Variants in ARHGEF18 observed in about 807,000 individuals in gnomAD.
The protein encoded by ARHGEF18 is rho guanine nucleotide exchange factor 18.
A neutral mutation model predicts 155.7 loss-of-function variants in ARHGEF18; 93 were observed. That is an observed-to-expected ratio of 0.60 (90% CI 0.50 to 0.71). The LOEUF (loss-of-function observed/expected upper bound fraction) is 0.71. Among genes scored for constraint, ARHGEF18 ranks in the 30% least tolerant of loss-of-function variants. The probability of loss-of-function intolerance (pLI) is 0.00; values close to 1 mark genes in which losing one functional copy is unlikely to be tolerated. For synonymous variants in ARHGEF18, 742 were observed against 753.1 expected (o/e 0.99, Z 0.24); for missense variants, 1,593 against 1,816.1 (o/e 0.88, Z 2.23).
In ARHGEF18 at chr19:7,362,158, GAGAAGAAGGAGAAGAAGGAGA is replaced by G. The variant is rs1568265064; in HGVS notation, c.-110-617_-110-597del. 1.8e-4 allele frequency among the ~76,000 whole-genome samples: 4 copies of G among 22,180 alleles called. 2 individuals are homozygous for G. Among genetic ancestry groups the G allele is most frequent in the African/African-American group, 1.4e-3 (4 of 2,776 alleles). The allele number at this position is 22,180 out of a possible 152,430, so 14.6% of individuals were successfully genotyped here. ...GAAGGAGAAGGAGAAGGAGAAGGAG[GAGAAGAAGGAGAAGAAGGAGA>G]AGAAGGAGAAGAAGGAGAAGAAGAA... On this transcript the variant is annotated intron_variant, in intron 1 of 28. Transcript: ENST00000668164.
chr19:7,440,314 G>A lies in ARHGEF18; in HGVS notation c.968-30G>A. The A allele has an allele frequency of 6.2e-7, 1 of 1,604,332 alleles. No homozygotes were observed. The highest frequency in any genetic ancestry group is 8.5e-7 in the Non-Finnish European group (1 of 1,175,640). On this transcript the variant is annotated intron_variant, in intron 10 of 28. Transcript: ENST00000668164. The surrounding 1 kb of genome is among the most constrained non-coding windows in gnomAD (Gnocchi z 5.4). Reference sequence around the variant, plus strand: ...CTCCGCTACCCGACCCACTTTCTCAGCACCAACTCTGTCCTTGCCTCTGTC... The same window carrying A: ...CTCCGCTACCCGACCCACTTTCTCAACACCAACTCTGTCCTTGCCTCTGTC...
chr19:7,375,482 G>T (rs551710302), intron 3 of ARHGEF18, among the ~76,000 whole-genome samples: 15 of 152,136 alleles, frequency 9.9e-5, no homozygotes, highest in Non-Finnish European at 1.6e-4. Flanking sequence ...GTGCAAAAAC[G>T]ATCTGAGATG....
At chr19:7,460,239 C>T (rs1976128992) in intron 20 of ARHGEF18, among the ~76,000 whole-genome samples, 1 of 152,120 alleles carries the variant, frequency 6.6e-6, no homozygotes, top group African/African-American at 2.4e-5. Flanking sequence ...GGACCTGAGC[C>T]CCTTCCAGAG....
intron 10 of ARHGEF18, among the ~76,000 whole-genome samples, chr19:7,426,930 G>T (rs187562311): frequency 6.6e-6 from 1 of 152,144 alleles, no homozygotes; most frequent in Non-Finnish European, 1.5e-5. Context: ...TCACCTCGCC[G>T]TGTTGAAAGG....
At chr19:7,455,185 C>T (rs114541149) in intron 17 of ARHGEF18, among the ~76,000 whole-genome samples, 218 of 152,266 alleles carry the variant, frequency 1.4e-3, no homozygotes, top group African/African-American at 5.1e-3. Context: ...ACAGGTTTAG[C>T]GCCTTCTGCC....
Position 7,451,216 on chromosome 19 carries a change from G to C in ARHGEF18, c.1805G>C (p.Arg602Pro). 2 of 1,609,710 alleles carry C rather than the reference G, an allele frequency of 1.2e-6. No individual in the cohort carries two copies. The highest frequency in any genetic ancestry group is 2.2e-5 in the East Asian group (1 of 44,710). Reference protein sequence around the residue: ...VQECILLVTQRITKYPVLVER... With the variant: ...VQECILLVTQPITKYPVLVER... ...GAGTGCATTCTCCTGGTTACACAAC[G>C]CATAACCAAATACCCAGTGCTGGTG... The change falls in exon 16 of 29, where the codon CGC becomes CCC. Residue 602 changes from arginine (R) to proline (P), a missense_variant. Physicochemically the swap from Arg to Pro is moderately radical, Grantham distance 103 (BLOSUM62 -2). Transcript: ENST00000668164.
chr19:7,450,951 A>G, intron 15 of ARHGEF18, among the ~76,000 whole-genome samples, 198 bp from the exon 16 acceptor site: 2 of 152,208 alleles, frequency 1.3e-5, no homozygotes, highest in African/African-American at 2.4e-5. Flanking sequence ...CGAGATGTTA[A>G]TGCGGGATCT....
At chr19:7,447,814 C>T (rs183888089) in intron 15 of ARHGEF18, among the ~76,000 whole-genome samples, 13 of 151,974 alleles carry the variant, frequency 8.6e-5, no homozygotes, top group African/African-American at 3.1e-4. Context: ...GGCAACATAG[C>T]AAGATCCTGT....
At chr19:7,369,572 G>A (rs567470714) in intron 2 of ARHGEF18, among the ~76,000 whole-genome samples, 5 of 152,072 alleles carry the variant, frequency 3.3e-5, no homozygotes, top group Non-Finnish European at 7.4e-5. Flanking sequence ...GCTGAGGCAG[G>A]TGAATCATGA....
the ARHGEF18 span, among the ~76,000 whole-genome samples, chr19:7,478,650 T>C: frequency 6.6e-6 from 1 of 152,128 alleles, no homozygotes; most frequent in African/African-American, 2.4e-5. Context: ...CACTGGCAAG[T>C]GCTCAAAGGA....
At chr19:7,383,737 T>A (rs1041395158) in intron 10 of ARHGEF18, among the ~76,000 whole-genome samples, 3 of 150,474 alleles carry the variant, frequency 2.0e-5, no homozygotes, top group Non-Finnish European at 4.4e-5. Flanking sequence ...TGGCCTCAGC[T>A]TAGCTTATTT....
At chr19:7,442,132 T>G in intron 13 of ARHGEF18, 80 bp downstream of exon 13, 1 of 89,858 alleles carries the variant, frequency 1.1e-5, no homozygotes, top group Non-Finnish European at 1.5e-5. Context: ...CTCCCTTCCT[T>G]CCTTCCTTCC....
intron 10 of ARHGEF18, among the ~76,000 whole-genome samples, chr19:7,394,075 G>A (rs1191788230): frequency 1.3e-5 from 2 of 151,278 alleles, no homozygotes; most frequent in East Asian, 3.9e-4. Flanking sequence ...CTGGAGTGCA[G>A]TGGCATGATT....
intron 10 of ARHGEF18, among the ~76,000 whole-genome samples, chr19:7,386,714 G>A (rs1454914765): frequency 6.6e-6 from 1 of 152,098 alleles, no homozygotes; most frequent in East Asian, 1.9e-4. Context: ...TCACACAAAT[G>A]TGCATGCCTG....
chr19:7,427,002 G>T (rs1895239975), intron 10 of ARHGEF18, among the ~76,000 whole-genome samples: 1 of 152,134 alleles, frequency 6.6e-6, no homozygotes, highest in South Asian at 2.1e-4. Flanking sequence ...TGGAGGAGCC[G>T]AGGTCAGGCA....
At chr19:7,358,283 A>G (rs1363916722) in intron 1 of ARHGEF18, among the ~76,000 whole-genome samples, 2 of 148,824 alleles carry the variant, frequency 1.3e-5, no homozygotes, top group African/African-American at 2.5e-5. Context: ...CCATCCATCC[A>G]TCCATCCATC....
intron 10 of ARHGEF18, among the ~76,000 whole-genome samples, chr19:7,427,591 G>A (rs140438472): frequency 0.018 from 2,759 of 151,316 alleles, 81 homozygotes; most frequent in African/African-American, 0.063. Context: ...GCTGCAGTGA[G>A]CTATGATCAC....
At chr19:7,460,693 G>A (rs990806279) in intron 20 of ARHGEF18, among the ~76,000 whole-genome samples, 20 of 152,120 alleles carry the variant, frequency 1.3e-4, no homozygotes, top group African/African-American at 2.4e-4. Flanking sequence ...AGGTTCGCCC[G>A]CGCTCAGTGA....
downstream of ARHGEF18, chr19:7,473,191 A>T (rs1331848455): frequency 1.1e-5 from 5 of 456,274 alleles, no homozygotes; most frequent in Non-Finnish European, 2.2e-5. Context: ...GTCCCGGTCC[A>T]GTGAGGCGAG....
Sources: gnomAD v4.1 joint callset for allele counts (sites outside exome capture counted in the v4.1 genomes callset) on GRCh38, gnomAD v4.1.1 for gene constraint, Gnocchi (gnomAD v3.1) non-coding constraint, MANE v1.5 for transcripts, NCBI Gene and HGNC (gene_info 2026-07-23, HGNC 2026-07-21) for gene names.